Variants in MTHFSD observed in about 807,000 individuals in gnomAD.
MTHFSD encodes methenyltetrahydrofolate synthase domain-containing protein.
MTHFSD carries 37 observed loss-of-function variants against 31.1 expected under a neutral mutation model. The ratio of observed to expected loss-of-function variants is 1.19; its 90% CI spans 0.91 to 1.56. The LOEUF is 1.56. MTHFSD is among the 40% of genes most tolerant of loss of function. The pLI is 0.00. For missense variants in MTHFSD, 664 were observed against 510.1 expected (o/e 1.30, Z -2.91); for synonymous variants, 221 against 206.9 (o/e 1.07, Z -0.59).
intron 7 of MTHFSD, chr16:86,540,836 C>A: frequency 9.6e-7 from 1 of 1,041,948 alleles, no homozygotes; most frequent in Non-Finnish European, 1.2e-6. Flanking sequence ...CTGCGTTCAT[C>A]AGCGGCCAAC....
intron 7 of MTHFSD, among the ~76,000 whole-genome samples, chr16:86,538,094 C>T (rs571257438): frequency 4.7e-4 from 71 of 152,328 alleles, no homozygotes; most frequent in African/African-American, 1.5e-3. Context: ...TGTGGGTGCC[C>T]GAGTGGCTTC....
rs1401110611 is a variant in MTHFSD at position 86,548,635 on chromosome 16, T to C, written c.238-58A>G. 5 of 1,372,822 alleles carry C rather than the reference T, an allele frequency of 3.6e-6. No homozygotes were observed. In the East Asian group the frequency reaches 1.2e-4, roughly 33 times the overall value. The allele number at this position is 1,372,822 out of a possible 1,614,324, so 85.0% of individuals were successfully genotyped here. ...AATCAAATTATTCCATAGGACTTTCTTATATGTATTTTTACCATTTCAGGA... is the reference window on the plus strand; with the variant it reads ...AATCAAATTATTCCATAGGACTTTCCTATATGTATTTTTACCATTTCAGGA... On this transcript the variant is annotated intron_variant, in intron 3 of 7. Coordinates refer to ENST00000360900, the MANE Select transcript of MTHFSD (RefSeq NM_001159377.2).
rs374118014 is a variant in MTHFSD, at chr16:86,555,161, C to G, written c.16+8G>C. The G allele has an allele frequency of 1.3e-6, 2 of 1,536,282 alleles. No individual in the cohort carries two copies. The highest frequency in any genetic ancestry group is 1.4e-5 in the African/African-American group (1 of 73,152). On this transcript the variant is annotated splice_region_variant and intron_variant, in intron 1 of 7. Coordinates refer to ENST00000360900, the MANE Select transcript of MTHFSD (RefSeq NM_001159377.2). ...CCAGCCGCCCCGGAGCCCCGCCAGGCCCCCCACCTGCCCTCGGCTCCATGG... is the reference window on the plus strand; with the variant it reads ...CCAGCCGCCCCGGAGCCCCGCCAGGGCCCCCACCTGCCCTCGGCTCCATGG...
intron 5 of MTHFSD, among the ~76,000 whole-genome samples, chr16:86,546,101 T>C (rs1972259143): frequency 1.3e-5 from 2 of 151,492 alleles, no homozygotes; most frequent in African/African-American, 4.9e-5. Flanking sequence ...ACCACGTTGT[T>C]CAGGAGTCTC....
intron 7 of MTHFSD, among the ~76,000 whole-genome samples, chr16:86,539,828 G>C (rs1971236185): frequency 1.3e-5 from 2 of 152,162 alleles, no homozygotes. Context: ...AGAAAAGGCA[G>C]TTTGTACTTC....
intron 5 of MTHFSD, among the ~76,000 whole-genome samples, chr16:86,544,259 G>A (rs187378003): frequency 2.2e-4 from 33 of 152,176 alleles, no homozygotes; most frequent in Admixed American, 5.9e-4. Flanking sequence ...TCTGTGTCTC[G>A]GCAAAAGAAA....
intron 7 of MTHFSD, 114 bp downstream of exon 7, chr16:86,541,583 T>C: frequency 6.9e-7 from 1 of 1,439,624 alleles, no homozygotes; most frequent in South Asian, 1.3e-5. Context: ...CCTTGGGTGA[T>C]TCTAACATAC....
rs1268572593 is a variant in MTHFSD at position 86,542,966 on chromosome 16, C to G, written c.443-753G>C. ...AACTGAGGCCAGCGAGTGCCACCAG[C>G]AGCATCACCCGCAGAGCACCCGCAT... On this transcript the variant is annotated intron_variant, in intron 5 of 7. Coordinates refer to ENST00000360900, the MANE Select transcript of MTHFSD (RefSeq NM_001159377.2). This position sits in a 1 kb window ranked among gnomAD's most constrained non-coding sequence, Gnocchi z 4.6. 6.6e-6 allele frequency among the ~76,000 whole-genome samples: 1 copy of G among 152,208 alleles called. No individual in the cohort carries two copies. Among genetic ancestry groups the G allele is most frequent in the African/African-American group, 2.4e-5 (1 of 41,452 alleles).
chr16:86,540,842 C>T (rs1430947710), intron 7 of MTHFSD: 1 of 1,042,286 alleles, frequency 9.6e-7, no homozygotes, highest in Non-Finnish European at 1.2e-6. Flanking sequence ...TCATCAGCGG[C>T]CAACCGAGGA....
chr16:86,532,728 G>A (rs78159318), intron 7 of MTHFSD: 12,188 of 341,606 alleles, frequency 0.036, 308 homozygotes, highest in Middle Eastern at 0.066. Flanking sequence ...GCTCTGGAGC[G>A]TTTGCCACGA....
chr16:86,539,523 T>C (rs1393072685), intron 7 of MTHFSD, among the ~76,000 whole-genome samples: 1 of 151,940 alleles, frequency 6.6e-6, no homozygotes, highest in African/African-American at 2.4e-5. Context: ...GCTTGGAGAG[T>C]GTGTTGGAAG....
Position 86,532,224 on chromosome 16 carries a change from G to A in MTHFSD, c.939C>T (p.Leu313=), listed in dbSNP as rs781162982. 20 of 1,574,322 alleles carry A rather than the reference G, an allele frequency of 1.3e-5. No individual in the cohort carries two copies. In the East Asian group the frequency reaches 1.9e-4, roughly 15 times the overall value. ...GGTCACTCACACGGGCGTCCCCGGGGAGGTTCCCAACGTAAACATCGGCTG... is the reference window on the plus strand; with the variant it reads ...GGTCACTCACACGGGCGTCCCCGGGAAGGTTCCCAACGTAAACATCGGCTG... ...PLAADVYVGN[L]PGDARVSDLK... Residue 313 remains leucine, a synonymous_variant, in exon 8 of 8, where the codon CTC becomes CTT. Transcript: ENST00000360900.
At chr16:86,546,041 C>T (rs1313754546) in intron 5 of MTHFSD, among the ~76,000 whole-genome samples, 3 of 152,220 alleles carry the variant, frequency 2.0e-5, no homozygotes, top group Admixed American at 6.5e-5. Context: ...AGCAGCCTGC[C>T]TCACATGCAG....
At chr16:86,547,263 A>G in intron 4 of MTHFSD, 1 of 985,922 alleles carries the variant, frequency 1.0e-6, no homozygotes, top group Admixed American at 6.1e-5. Flanking sequence ...GTACCGCTTT[A>G]TACTAATGCA....
chr16:86,535,442 T>C (rs1597321798), intron 7 of MTHFSD: 1 of 985,390 alleles, frequency 1.0e-6, no homozygotes, highest in Non-Finnish European at 1.2e-6. Flanking sequence ...CTGGACGTCA[T>C]GGTTGGGATG....
intron 1 of MTHFSD, 116 bp downstream of exon 1, chr16:86,555,053 C>G: frequency 6.8e-7 from 1 of 1,474,950 alleles, no homozygotes; most frequent in Non-Finnish European, 9.0e-7. Flanking sequence ...TCCTCGGCCG[C>G]TTCCGGTGAT....
At chr16:86,532,683 C>G (rs911319286) in intron 7 of MTHFSD, 1 of 398,720 alleles carries the variant, frequency 2.5e-6, no homozygotes, top group Non-Finnish European at 4.4e-6. Context: ...CTCTGCCCCT[C>G]GCCCCTGGCT....
At chr16:86,540,855 G>A (rs984523307) in intron 7 of MTHFSD, 1 of 1,078,048 alleles carries the variant, frequency 9.3e-7, no homozygotes, top group African/African-American at 1.6e-5. Flanking sequence ...ACCGAGGAGT[G>A]CACACCTGGG....
In MTHFSD at chr16:86,548,417, C is replaced by T. The variant is rs758136837; in HGVS notation, c.351+47G>A. The stretch of plus-strand genomic sequence containing the variant: ...TATGCTAAGTCGTCAGAAGCCTTCA[C>T]AGGGTACAGTTCTTTCCTAGGTGGG... On this transcript the variant is annotated intron_variant, in intron 4 of 7. Coordinates refer to ENST00000360900, the MANE Select transcript of MTHFSD (RefSeq NM_001159377.2). 6.1e-6 allele frequency: 9 copies of T among 1,463,476 alleles called. No individual in the cohort carries two copies. In the East Asian group the frequency reaches 2.0e-4, roughly 33 times the overall value. 90.7% of individuals were successfully genotyped at this position (1,463,476 alleles called of 1,614,324 possible).
Sources: gnomAD v4.1 joint callset for allele counts (sites outside exome capture counted in the v4.1 genomes callset) on GRCh38, gnomAD v4.1.1 for gene constraint, Gnocchi (gnomAD v3.1) non-coding constraint, MANE v1.5 for transcripts, NCBI Gene and HGNC (gene_info 2026-07-23, HGNC 2026-07-21) for gene names.